Variants in DSC1 observed in about 807,000 individuals in gnomAD.
DSC1 encodes the protein desmocollin 1.
DSC1 carries 79 observed loss-of-function variants against 98.8 expected under a neutral mutation model. The observed-to-expected ratio is 0.80, with a 90% CI of 0.67 to 0.96. The LOEUF is 0.96. Ranked by LOEUF, DSC1 falls within the 50% of genes least tolerant of loss-of-function variation. DSC1 has a pLI of 0.00. For missense variants in DSC1, 1,115 were observed against 1,075.9 expected (o/e 1.04, Z -0.51); for synonymous variants, 405 against 372.1 (o/e 1.09, Z -1.02).
chr18:31,140,362 T>A, intron 9 of DSC1, 61 bp from the exon 10 acceptor site: 2 of 1,484,018 alleles, frequency 1.3e-6, no homozygotes, highest in Non-Finnish European at 1.8e-6. Flanking sequence ...ACTTCTAATT[T>A]CAAATTTTCC....
chr18:31,147,158 T>C (rs1217614566), intron 6 of DSC1, among the ~76,000 whole-genome samples: 1 of 152,014 alleles, frequency 6.6e-6, no homozygotes, highest in Non-Finnish European at 1.5e-5. Context: ...GTTTAATTTT[T>C]TTTTTCATTT....
intron 10 of DSC1, 44 bp from the exon 11 acceptor site, chr18:31,139,934 G>C (rs769237046): frequency 5.1e-6 from 8 of 1,569,576 alleles, no homozygotes; most frequent in Non-Finnish European, 2.6e-6. Context: ...TCAAAGAAGG[G>C]ACATGATCTT....
intron 5 of DSC1, among the ~76,000 whole-genome samples, chr18:31,154,155 G>A (rs879243668): frequency 6.6e-6 from 1 of 152,030 alleles, no homozygotes; most frequent in African/African-American, 2.4e-5. Flanking sequence ...AGTTAGAATT[G>A]TCTTGTCTTT....
chr18:31,129,966 G>C lies in DSC1; in HGVS notation c.*548C>G, dbSNP rs577535646. On this transcript the variant is annotated 3_prime_UTR_variant, in exon 16 of 16. Transcript: ENST00000257198. ...AAAACAATGCTGGGAGCACTGCTCT[G>C]AGGAGTACAAAAGTGTAAAAGAGAA... 7.7e-5 allele frequency: 12 copies of C among 155,296 alleles called. No individual in the cohort carries two copies. The highest frequency in any genetic ancestry group is 6.9e-4 in the Admixed American group (11 of 15,882). The allele number at this position is 155,296 out of a possible 1,614,324, so 9.6% of individuals were successfully genotyped here. A position where few individuals can be genotyped will look rare whatever the true frequency, so the allele number is the denominator to read the frequency against.
chr18:31,134,474 C>G, intron 12 of DSC1, 98 bp downstream of exon 12: 1 of 1,079,260 alleles, frequency 9.3e-7, no homozygotes. Context: ...AAAATAATTT[C>G]CTAAAATAAA....
intron 11 of DSC1, among the ~76,000 whole-genome samples, chr18:31,136,310 T>C (rs1598614704): frequency 1.3e-5 from 2 of 152,182 alleles, no homozygotes; most frequent in South Asian, 4.1e-4. Flanking sequence ...TTGATATATA[T>C]ACTATAATTT....
chr18:31,156,314 C>A, intron 3 of DSC1, 152 bp from the exon 4 acceptor site: 1 of 880,196 alleles, frequency 1.1e-6, no homozygotes, highest in South Asian at 1.8e-5. Flanking sequence ...AAAACACACA[C>A]ACACACCTCA....
chr18:31,130,348 T>C lies in DSC1; in HGVS notation c.*166A>G. On this transcript the variant is annotated 3_prime_UTR_variant, in exon 16 of 16. Coordinates refer to ENST00000257198, the MANE Select transcript of DSC1 (RefSeq NM_024421.2). ...TGATTTCTAGAGAACATGGAAGTTA[T>C]ACCAGACAAGGAGAATGTAGGGGAA... 1.4e-6 allele frequency: 1 copy of C among 711,026 alleles called. No homozygotes were observed. Among genetic ancestry groups the C allele is most frequent in the Non-Finnish European group, 2.3e-6 (1 of 435,588 alleles). The allele number at this position is 711,026 out of a possible 1,614,324, so 44.0% of individuals were successfully genotyped here.
At chr18:31,133,350 G>A (rs1435145551) in intron 13 of DSC1, among the ~76,000 whole-genome samples, 2 of 152,108 alleles carry the variant, frequency 1.3e-5, no homozygotes, top group Non-Finnish European at 2.9e-5. Context: ...TTTGCACAAT[G>A]CAAAATCTTA....
chr18:31,150,266 AT>A (rs1988947553), intron 5 of DSC1, among the ~76,000 whole-genome samples: 1 of 132,222 alleles, frequency 7.6e-6, no homozygotes, highest in Admixed American at 8.2e-5. Flanking sequence ...CACCATCATC[AT>A]CACCACTACC....
chr18:31,145,657 G>A lies in DSC1; in HGVS notation c.893C>T (p.Pro298Leu), dbSNP rs1988831087. The change falls in exon 7 of 16, where the codon CCA (proline) becomes CTA (leucine). Residue 298 changes from proline to leucine, a missense_variant. Coordinates refer to ENST00000257198, the MANE Select transcript of DSC1 (RefSeq NM_024421.2). ...PDHPKHFSIHPDTGVITTTTP... is the reference protein window; with the variant it reads ...PDHPKHFSIHLDTGVITTTTP... ...AGTTGTGGTGATGACACCGGTATCT[G>A]GGTGTATGGAGAAATGCTTTGGATG... 6.2e-7 allele frequency: 1 copy of A among 1,613,994 alleles called. No individual in the cohort carries two copies. The highest frequency in any genetic ancestry group is 8.5e-7 in the Non-Finnish European group (1 of 1,179,994).
intron 9 of DSC1, 54 bp downstream of exon 9, chr18:31,141,945 C>G: frequency 6.6e-7 from 1 of 1,508,478 alleles, no homozygotes; most frequent in African/African-American, 1.4e-5. Flanking sequence ...CTCTTAAAAT[C>G]AGTGCGTGAG....
chr18:31,140,830 C>T (rs1988719469), intron 9 of DSC1, among the ~76,000 whole-genome samples: 1 of 152,162 alleles, frequency 6.6e-6, no homozygotes, highest in African/African-American at 2.4e-5. Context: ...TTGGCTATGT[C>T]CCACCCACAT....
At chr18:31,156,363 T>C (rs924191002) in intron 3 of DSC1, among the ~76,000 whole-genome samples, 1 of 152,178 alleles carries the variant, frequency 6.6e-6, no homozygotes, top group Non-Finnish European at 1.5e-5. Context: ...ATTTCTCTAT[T>C]TACTCAGTTA....
intron 6 of DSC1, among the ~76,000 whole-genome samples, chr18:31,147,866 C>CT (rs527467031): frequency 6.6e-6 from 1 of 152,160 alleles, no homozygotes; most frequent in African/African-American, 2.4e-5. Context: ...GATTACATCA[C>CT]TTTTTTTGGA....
chr18:31,134,194 C>A, intron 12 of DSC1, 64 bp from the exon 13 acceptor site: 1 of 1,527,258 alleles, frequency 6.5e-7, no homozygotes, highest in Non-Finnish European at 8.8e-7. Flanking sequence ...TATTCCTACT[C>A]AATATTCTCA....
intron 5 of DSC1, among the ~76,000 whole-genome samples, chr18:31,149,023 A>G (rs1373521519): frequency 6.6e-6 from 1 of 152,244 alleles, no homozygotes; most frequent in Non-Finnish European, 1.5e-5. Flanking sequence ...ATACAAATAA[A>G]TGGACATCAC....
chr18:31,135,809 T>C (rs191948242), intron 11 of DSC1, among the ~76,000 whole-genome samples: 6 of 152,278 alleles, frequency 3.9e-5, no homozygotes, highest in African/African-American at 1.4e-4. Flanking sequence ...AAAATTGAAA[T>C]AAACAGAAAG....
At chr18:31,153,550 G>A (rs1221964460) in intron 5 of DSC1, among the ~76,000 whole-genome samples, 2 of 152,048 alleles carry the variant, frequency 1.3e-5, no homozygotes, top group African/African-American at 2.4e-5. Flanking sequence ...CATGAATTTT[G>A]TATTTAATTA....
Sources: gnomAD v4.1 joint callset for allele counts (sites outside exome capture counted in the v4.1 genomes callset) on GRCh38, gnomAD v4.1.1 for gene constraint, MANE v1.5 for transcripts, NCBI Gene and HGNC (gene_info 2026-07-23, HGNC 2026-07-21) for gene names.